MTCL1: variants seen among roughly 807,000 people sequenced by gnomAD.
The protein encoded by MTCL1 is microtubule cross-linking factor 1.
A neutral mutation model predicts 141.4 loss-of-function variants in MTCL1; 79 were observed. That is an observed-to-expected ratio of 0.56 (90% CI 0.47 to 0.67). The LOEUF (loss-of-function observed/expected upper bound fraction) is 0.67, where lower values mean the gene tolerates loss of function less well. MTCL1 is among the 30% of genes least tolerant of loss of function. The pLI, the probability that MTCL1 is intolerant of heterozygous loss-of-function variation, is 0.00. For synonymous variants in MTCL1, 914 were observed against 875.8 expected, an observed-to-expected ratio of 1.04 and a Z score of -0.77; for missense variants, 2,177 against 2,113.9, an observed-to-expected ratio of 1.03 and a Z score of -0.59.
intron 13 of MTCL1, 78 bp downstream of exon 12, chr18:8,819,337 G>T: frequency 6.7e-7 from 1 of 1,492,788 alleles, no homozygotes; most frequent in South Asian, 1.3e-5. Context: ...GCATCTGCCA[G>T]ATTCCTCTCC....
intron 11 of MTCL1, among the ~76,000 whole-genome samples, chr18:8,811,697 C>A (rs2076492497): frequency 1.3e-5 from 2 of 151,956 alleles, no homozygotes; most frequent in South Asian, 2.1e-4. Flanking sequence ...TAGGCAAGTC[C>A]CTAAAGCACT....
At chr18:8,737,359 A>T (rs959122839) in intron 4 of MTCL1, among the ~76,000 whole-genome samples, 5 of 152,246 alleles carry the variant, frequency 3.3e-5, no homozygotes, top group Non-Finnish European at 5.9e-5. Flanking sequence ...TAGAGAAAGC[A>T]TTAAGAAGCT....
chr18:8,764,818 A>G (rs1051981402), intron 4 of MTCL1, among the ~76,000 whole-genome samples: 3 of 152,214 alleles, frequency 2.0e-5, no homozygotes, highest in Non-Finnish European at 4.4e-5. Flanking sequence ...GCATTATCCA[A>G]TGCAAAACAA....
chr18:8,765,553 C>T (rs988461694), intron 4 of MTCL1, among the ~76,000 whole-genome samples: 1 of 152,170 alleles, frequency 6.6e-6, no homozygotes, highest in African/African-American at 2.4e-5. Context: ...TGGGTTAGTG[C>T]CTCACACTGC....
At chr18:8,756,897 C>T (rs1276585649) in intron 4 of MTCL1, among the ~76,000 whole-genome samples, 9 of 152,182 alleles carry the variant, frequency 5.9e-5, no homozygotes, top group Admixed American at 5.9e-4. Context: ...CTCCTAGTGG[C>T]TGTCGTTGTC....
exon 6 of MTCL1, chr18:8,783,837 T>C (rs35739383): frequency 0.56 from 904,328 of 1,612,692 alleles, 262,020 homozygotes; most frequent in Non-Finnish European, 0.6. Flanking sequence ...ATGGAGGACA[T>C]GCGGGGCCAG....
rs1246654226 is a variant in MTCL1 at position 8,717,581 on chromosome 18, T to C, written c.-87+155T>C. Reference sequence around the variant, plus strand: ...TTACTCTGCTGGGTGGGGGACAGACTGTAGGAGGATTAGAGGGCCAGCTGA... The same window carrying C: ...TTACTCTGCTGGGTGGGGGACAGACCGTAGGAGGATTAGAGGGCCAGCTGA... On this transcript the variant is annotated intron_variant, in intron 1 of 16. Transcript: ENST00000359865. Among the ~76,000 whole-genome samples the C allele has an allele frequency of 5.3e-5, 8 of 152,138 alleles. No homozygotes were observed. In the East Asian group the frequency reaches 1.5e-3, roughly 29 times the overall value.
At chr18:8,733,271 A>G (rs572063702) in intron 4 of MTCL1, among the ~76,000 whole-genome samples, 1 of 152,308 alleles carries the variant, frequency 6.6e-6, no homozygotes, top group Admixed American at 6.5e-5. Context: ...GCTTTTTTTC[A>G]TAAATGAGAG....
exon 10 of MTCL1, chr18:8,798,195 C>T (rs1479287047): frequency 6.3e-7 from 1 of 1,598,770 alleles, no homozygotes; most frequent in South Asian, 1.1e-5. Context: ...GAGGCTGTGG[C>T]TTTCCAGTGG....
chr18:8,818,305 A>G (rs2144338020), intron 12 of MTCL1, among the ~76,000 whole-genome samples: 1 of 151,416 alleles, frequency 6.6e-6, no homozygotes, highest in East Asian at 1.9e-4. Context: ...CTTGAGTTCA[A>G]CCAAGTCAGG....
chr18:8,752,798 CA>C (rs1173985280), intron 4 of MTCL1, among the ~76,000 whole-genome samples: 2 of 152,166 alleles, frequency 1.3e-5, no homozygotes, highest in Non-Finnish European at 2.9e-5. Context: ...GCTATTTCTA[CA>C]AACAACATAT....
upstream of MTCL1, among the ~76,000 whole-genome samples, chr18:8,714,481 G>T (rs1474481364): frequency 6.6e-6 from 1 of 152,164 alleles, no homozygotes; most frequent in East Asian, 1.9e-4. Flanking sequence ...AAAGAAAAAA[G>T]GGTTTAATGG....
At chr18:8,756,407 G>GTATATATGTATATATGTT (rs1567983492) in intron 4 of MTCL1, among the ~76,000 whole-genome samples, 77 of 149,630 alleles carry the variant, frequency 5.1e-4, no homozygotes, top group African/African-American at 1.9e-3. Flanking sequence ...GTATATATGT[G>GTATATATGTATATATGTT]TGTATATGTG....
At chr18:8,788,575 C>A (rs1305368137) in intron 7 of MTCL1, among the ~76,000 whole-genome samples, 1 of 152,154 alleles carries the variant, frequency 6.6e-6, no homozygotes, top group Non-Finnish European at 1.5e-5. Flanking sequence ...GTGACTACTA[C>A]TCATAGTTGT....
chr18:8,786,617 C>G, intron 7 of MTCL1: 1 of 333,860 alleles, frequency 3.0e-6, no homozygotes, highest in Non-Finnish European at 5.9e-6. Context: ...CCACAGTAAC[C>G]CGGTATACAC....
intron 14 of MTCL1, among the ~76,000 whole-genome samples, chr18:8,821,930 G>T (rs2076858283): frequency 6.6e-6 from 1 of 152,176 alleles, no homozygotes; most frequent in Non-Finnish European, 1.5e-5. Context: ...CCTTGAAGAA[G>T]ATATATAGTG....
At position 8,822,234 on chromosome 18, in the gene MTCL1, C is replaced by T. The variant is rs1304044170; in HGVS notation, c.3188+736C>T. ...CTTCTCTGGTCTTTCTTGGGTGGTA[C>T]AGGACAGTACTTGAGAGCTCAGGCT... On this transcript the variant is annotated intron_variant, in intron 14 of 16. Coordinates refer to ENST00000359865, the Ensembl canonical transcript of MTCL1. This position sits in a 1 kb window ranked among gnomAD's most constrained non-coding sequence, Gnocchi z 4.6. 6.6e-6 allele frequency among the ~76,000 whole-genome samples: 1 copy of T among 152,186 alleles called. No individual in the cohort carries two copies. The highest frequency in any genetic ancestry group is 2.4e-5 in the African/African-American group (1 of 41,440).
intron 4 of MTCL1, among the ~76,000 whole-genome samples, chr18:8,766,694 T>C (rs368407099): frequency 9.8e-5 from 15 of 152,346 alleles, no homozygotes; most frequent in Middle Eastern, 3.4e-3. Flanking sequence ...GTTTTGTTTT[T>C]CTGCTGAATG....
upstream of MTCL1, among the ~76,000 whole-genome samples, chr18:8,715,398 C>G (rs142529632): frequency 0.019 from 2,930 of 152,276 alleles, 101 homozygotes; most frequent in African/African-American, 0.068. Flanking sequence ...GCATTAATGA[C>G]TTTGGCAGGC....
Sources: gnomAD v4.1 joint callset for allele counts (sites outside exome capture counted in the v4.1 genomes callset) on GRCh38, gnomAD v4.1.1 for gene constraint, Gnocchi (gnomAD v3.1) non-coding constraint, MANE v1.5 for transcripts, NCBI Gene and HGNC (gene_info 2026-07-23, HGNC 2026-07-21) for gene names.